Variants in STPG2 observed in about 807,000 individuals in gnomAD.
The protein encoded by STPG2 is sperm-tail PG-rich repeat-containing protein 2.
In STPG2, 56 loss-of-function variants were observed where a neutral mutation model predicts 54.2. That is an observed-to-expected ratio of 1.03 (90% CI 0.83 to 1.29). The LOEUF (loss-of-function observed/expected upper bound fraction) is 1.29, where lower values mean the gene tolerates loss of function less well. Among genes scored for constraint, STPG2 ranks in the 50% most tolerant of loss-of-function variants. The pLI, the probability that STPG2 is intolerant of heterozygous loss-of-function variation, is 0.00. For synonymous variants in STPG2, 200 were observed against 181.8 expected (o/e 1.10, Z -0.81); for missense variants, 596 against 544.9 (o/e 1.09, Z -0.93).
intron 9 of STPG2, among the ~76,000 whole-genome samples, chr4:97,815,036 T>G (rs1468842073): frequency 1.3e-5 from 2 of 152,136 alleles, no homozygotes; most frequent in Non-Finnish European, 2.9e-5. Flanking sequence ...AACCACCCAA[T>G]TCAAGCAGGA....
chr4:97,563,772 G>A (rs1732333053), intron 10 of STPG2, among the ~76,000 whole-genome samples: 1 of 152,138 alleles, frequency 6.6e-6, no homozygotes, highest in Non-Finnish European at 1.5e-5. Flanking sequence ...TTAATCCTGA[G>A]TTCTGGTTTG....
chr4:97,563,024 T>C (rs1356121639), intron 10 of STPG2, among the ~76,000 whole-genome samples: 2 of 152,150 alleles, frequency 1.3e-5, no homozygotes, highest in East Asian at 1.9e-4. Context: ...ATGGTACCAG[T>C]TCCTCCTTGT....
At chr4:97,639,783 C>T (rs1161414734) in intron 10 of STPG2, among the ~76,000 whole-genome samples, 1 of 151,784 alleles carries the variant, frequency 6.6e-6, no homozygotes, top group African/African-American at 2.4e-5. Flanking sequence ...AAATCCCTAT[C>T]AATTATTGGT....
chr4:97,856,929 G>T (rs1335115486), intron 8 of STPG2, among the ~76,000 whole-genome samples: 3 of 152,076 alleles, frequency 2.0e-5, no homozygotes, highest in African/African-American at 7.2e-5. Flanking sequence ...TGTGGTTTTT[G>T]TCTTTATTCT....
intron 4 of STPG2, among the ~76,000 whole-genome samples, chr4:97,503,668 G>A (rs1360591854): frequency 1.3e-5 from 2 of 150,614 alleles, no homozygotes; most frequent in African/African-American, 4.9e-5. Context: ...ATCTCCTTAT[G>A]TTTAAATATA....
intron 8 of STPG2, among the ~76,000 whole-genome samples, chr4:97,879,759 G>A (rs146365428): frequency 1.3e-4 from 20 of 151,928 alleles, no homozygotes; most frequent in African/African-American, 4.8e-4. Flanking sequence ...AACACAATAG[G>A]GTATCATCTC....
At chr4:98,093,688 TC>T (rs1447501551) in intron 5 of STPG2, among the ~76,000 whole-genome samples, 5 of 152,146 alleles carry the variant, frequency 3.3e-5, no homozygotes, top group East Asian at 1.9e-4. Context: ...TGTCACTCCT[TC>T]CCCATCCCCC....
intron 5 of STPG2, among the ~76,000 whole-genome samples, chr4:97,994,408 G>A (rs1187237911): frequency 1.3e-5 from 2 of 152,156 alleles, no homozygotes; most frequent in African/African-American, 4.8e-5. Context: ...CTTGGAGAAT[G>A]TTTCATGCAT....
chr4:98,086,238 T>A (rs894553380), intron 5 of STPG2, among the ~76,000 whole-genome samples: 1 of 152,018 alleles, frequency 6.6e-6, no homozygotes, highest in African/African-American at 2.4e-5. Context: ...TATAAGATAA[T>A]CCTCATTTCA....
intron 10 of STPG2, among the ~76,000 whole-genome samples, chr4:97,560,663 CA>C (rs1370903273): frequency 5.9e-5 from 9 of 151,966 alleles, no homozygotes; most frequent in African/African-American, 1.9e-4. Context: ...CAAAGTAAAA[CA>C]AAACAAAACA....
intron 9 of STPG2, among the ~76,000 whole-genome samples, chr4:97,826,793 A>G (rs771411702): frequency 1.3e-5 from 2 of 152,250 alleles, no homozygotes; most frequent in Non-Finnish European, 2.9e-5. Context: ...AAACTCCTAT[A>G]ATTCTGATAA....
At chr4:97,739,608 A>G (rs2149034867) in intron 9 of STPG2, among the ~76,000 whole-genome samples, 1 of 152,334 alleles carries the variant, frequency 6.6e-6, no homozygotes, top group East Asian at 1.9e-4. Context: ...AAACTAGAAA[A>G]TCTTGAAGAA....
At chr4:97,739,975 G>A (rs1333388481) in intron 9 of STPG2, among the ~76,000 whole-genome samples, 2 of 151,912 alleles carry the variant, frequency 1.3e-5, no homozygotes, top group Non-Finnish European at 2.9e-5. Context: ...TAAAATACTG[G>A]CAAACCGAAT....
Position 97,712,745 on chromosome 4 carries a change from C to A in STPG2, c.1274G>T (p.Arg425Leu). The A allele has an allele frequency of 6.2e-7, 1 of 1,609,194 alleles. No individual in the cohort carries two copies. Among genetic ancestry groups the A allele is most frequent in the Non-Finnish European group, 8.5e-7 (1 of 1,176,988 alleles). Reference protein sequence around the residue: ...PIPLFVKASKRFEESKEITPG... With the variant: ...PIPLFVKASKLFEESKEITPG... ...AGTAATCTCTTTGGACTCTTCAAAG[C>A]GCTTTGATGCTTTCACAAATAAGGG... The change falls in exon 10 of 11, where the codon CGC becomes CTC. Residue 425 changes from arginine to leucine, a missense_variant. Arg to Leu is a moderately radical substitution (Grantham distance 102). Transcript: ENST00000295268.
At chr4:97,632,894 C>T (rs1328185701) in intron 10 of STPG2, among the ~76,000 whole-genome samples, 1 of 152,002 alleles carries the variant, frequency 6.6e-6, no homozygotes. Flanking sequence ...ATTCATTCAA[C>T]AACAATTCAA....
At chr4:97,532,561 A>G (rs545797375) in intron 4 of STPG2, among the ~76,000 whole-genome samples, 1 of 152,348 alleles carries the variant, frequency 6.6e-6, no homozygotes, top group South Asian at 2.1e-4. Context: ...TCAAATTAAG[A>G]AAACCAAGTG....
intron 3 of STPG2, among the ~76,000 whole-genome samples, chr4:98,124,097 A>C (rs889750650): frequency 6.6e-6 from 1 of 152,170 alleles, no homozygotes; most frequent in Non-Finnish European, 1.5e-5. Context: ...GGTCTCTTGA[A>C]TACAGCACAC....
chr4:97,986,697 T>G (rs1734841924), intron 5 of STPG2, among the ~76,000 whole-genome samples: 1 of 152,244 alleles, frequency 6.6e-6, no homozygotes, highest in Non-Finnish European at 1.5e-5. Flanking sequence ...TTCATCTGTG[T>G]ATTTCTAATT....
intron 10 of STPG2, among the ~76,000 whole-genome samples, chr4:97,616,470 T>C (rs1733876841): frequency 1.3e-5 from 2 of 152,118 alleles, no homozygotes; most frequent in Admixed American, 1.3e-4. Flanking sequence ...AATAACATGA[T>C]TTTGTATCTA....
Sources: gnomAD v4.1 joint callset for allele counts (sites outside exome capture counted in the v4.1 genomes callset) on GRCh38, gnomAD v4.1.1 for gene constraint, MANE v1.5 for transcripts, NCBI Gene and HGNC (gene_info 2026-07-23, HGNC 2026-07-21) for gene names.